PALLD: variants seen among roughly 807,000 people sequenced by gnomAD.
PALLD encodes the protein palladin, cytoskeletal associated protein.
A neutral mutation model predicts 123.5 loss-of-function variants in PALLD; 61 were observed. That is an observed-to-expected ratio of 0.49 (90% CI 0.40 to 0.61). The LOEUF (loss-of-function observed/expected upper bound fraction) is 0.61. Ranked by LOEUF, PALLD falls within the 20% of genes least tolerant of loss-of-function variation. PALLD has a pLI of 0.00. For synonymous variants in PALLD, 465 were observed against 496.4 expected, an observed-to-expected ratio of 0.94 and a Z score of 0.84; for missense variants, 1,273 against 1,377.0, an observed-to-expected ratio of 0.92 and a Z score of 1.20.
chr4:168,543,021 TCTCCTACTGAGATG>T (rs1765792240), intron 2 of PALLD, among the ~76,000 whole-genome samples: 1 of 151,932 alleles, frequency 6.6e-6, no homozygotes, highest in Non-Finnish European at 1.5e-5. Flanking sequence ...TTTGTGCCAC[TCTCCTACTGAGATG>T]GACCTTAAAT....
chr4:168,830,285 G>T (rs1471650702), intron 10 of PALLD, among the ~76,000 whole-genome samples: 1 of 151,654 alleles, frequency 6.6e-6, no homozygotes, highest in Non-Finnish European at 1.5e-5. Context: ...TCACGCCTGG[G>T]AGGCCGAGGT....
intron 2 of PALLD, among the ~76,000 whole-genome samples, chr4:168,616,394 T>C (rs2149784843): frequency 6.6e-6 from 1 of 152,300 alleles, no homozygotes; most frequent in East Asian, 1.9e-4. Flanking sequence ...TAAAAGACTA[T>C]TTGTTGACTT....
chr4:168,893,748 C>T (rs1218225015), intron 11 of PALLD, among the ~76,000 whole-genome samples: 3 of 152,102 alleles, frequency 2.0e-5, no homozygotes, highest in African/African-American at 4.8e-5. Context: ...ACAAAAATGC[C>T]GGCATTTCTT....
chr4:168,641,599 A>G (rs1776953926), intron 2 of PALLD, among the ~76,000 whole-genome samples: 1 of 151,726 alleles, frequency 6.6e-6, no homozygotes. Flanking sequence ...TCTTTAGAGC[A>G]CTCTGCTTTG....
intron 10 of PALLD, among the ~76,000 whole-genome samples, chr4:168,853,742 G>C (rs1239464476): frequency 2.0e-5 from 3 of 152,292 alleles, no homozygotes; most frequent in Admixed American, 1.3e-4. Context: ...ATTTGGAGTT[G>C]ATCCCAAGAG....
At chr4:168,578,115 A>G (rs1186701442) in intron 2 of PALLD, among the ~76,000 whole-genome samples, 1 of 152,124 alleles carries the variant, frequency 6.6e-6, no homozygotes, top group African/African-American at 2.4e-5. Context: ...GAAATCTGAT[A>G]ATAAATAACA....
intron 10 of PALLD, among the ~76,000 whole-genome samples, chr4:168,773,667 T>A (rs7675590): frequency 6.6e-6 from 1 of 152,144 alleles, no homozygotes; most frequent in Admixed American, 6.5e-5. Context: ...ACTGCCCCGC[T>A]GTGAATTTCA....
intron 10 of PALLD, among the ~76,000 whole-genome samples, chr4:168,830,809 C>G (rs1419529536): frequency 1.3e-5 from 2 of 152,164 alleles, no homozygotes; most frequent in Non-Finnish European, 2.9e-5. Flanking sequence ...CCTAGCAATG[C>G]TAGTGTTAGA....
At chr4:168,500,263 G>A (rs1401293528) in intron 1 of PALLD, among the ~76,000 whole-genome samples, 1 of 152,076 alleles carries the variant, frequency 6.6e-6, no homozygotes, top group African/African-American at 2.4e-5. Flanking sequence ...TATATTCCTT[G>A]TCTTCCCCAA....
chr4:168,907,108 G>A (rs542830708), intron 15 of PALLD, among the ~76,000 whole-genome samples: 1 of 151,584 alleles, frequency 6.6e-6, no homozygotes. Context: ...TTCCTCCCTC[G>A]TAAAATGAGG....
chr4:168,673,888 C>CTGTG (rs34043206), intron 3 of PALLD, among the ~76,000 whole-genome samples: 2,690 of 146,340 alleles, frequency 0.018, 27 homozygotes, highest in Non-Finnish European at 0.022. Context: ...TTTGAACGTG[C>CTGTG]TGTGTGTGTG....
intron 17 of PALLD, among the ~76,000 whole-genome samples, chr4:168,917,657 G>A (rs1440951520): frequency 6.6e-6 from 1 of 152,042 alleles, no homozygotes; most frequent in Non-Finnish European, 1.5e-5. Flanking sequence ...TAGAGGATTT[G>A]GGCATTGTTT....
Position 168,653,902 on chromosome 4 carries a change from A to G in PALLD, c.909-14288A>G, listed in dbSNP as rs1249371988. Among the ~76,000 whole-genome samples, 3 of 151,960 alleles carry G rather than the reference A, an allele frequency of 2.0e-5. No individual in the cohort carries two copies. In the East Asian group the frequency reaches 5.8e-4, roughly 29 times the overall value. On this transcript the variant is annotated intron_variant, in intron 2 of 21. Coordinates refer to ENST00000505667, the MANE Select transcript of PALLD (RefSeq NM_001166108.2). ...TTTTTAGTAGAGACAGGGTTTCACCATGTTAGCCAGGATGGTCTCGATCTC... is the reference window on the plus strand; with the variant it reads ...TTTTTAGTAGAGACAGGGTTTCACCGTGTTAGCCAGGATGGTCTCGATCTC...
intron 10 of PALLD, among the ~76,000 whole-genome samples, chr4:168,728,088 A>G (rs906477098): frequency 6.6e-6 from 1 of 152,198 alleles, no homozygotes; most frequent in Non-Finnish European, 1.5e-5. Flanking sequence ...TACCAGTACC[A>G]TGCTGTTTTG....
intron 3 of PALLD, among the ~76,000 whole-genome samples, chr4:168,680,494 A>C (rs886890055): frequency 4.5e-5 from 6 of 133,786 alleles, no homozygotes; most frequent in African/African-American, 8.9e-5. Context: ...AAAAAAAAAA[A>C]AAAAAAAAAA....
chr4:168,808,575 G>A (rs567849942), intron 10 of PALLD, among the ~76,000 whole-genome samples: 8 of 152,208 alleles, frequency 5.3e-5, no homozygotes, highest in Non-Finnish European at 1.2e-4. Context: ...ATAAAGCATT[G>A]TATTAGTCTG....
intron 3 of PALLD, among the ~76,000 whole-genome samples, chr4:168,677,183 T>C (rs1053459136): frequency 4.6e-5 from 7 of 151,978 alleles, no homozygotes; most frequent in Non-Finnish European, 7.4e-5. Flanking sequence ...GTTGTTTTTT[T>C]TTTTTTCTCC....
intron 5 of PALLD, 36 bp downstream of exon 5, chr4:168,683,139 G>T: frequency 1.7e-6 from 2 of 1,143,270 alleles, no homozygotes; most frequent in South Asian, 2.5e-5. Flanking sequence ...ATAAGGGGTC[G>T]AACTCATCAG....
intron 2 of PALLD, among the ~76,000 whole-genome samples, chr4:168,517,609 A>T (rs187075960): frequency 1.6e-3 from 238 of 152,312 alleles, no homozygotes; most frequent in South Asian, 8.5e-3. Flanking sequence ...CGACAGGAAG[A>T]AAAACAAGCC....
Sources: allele counts gnomAD v4.1 joint callset (sites outside exome capture counted in the v4.1 genomes callset), GRCh38; gene constraint gnomAD v4.1.1; transcripts MANE v1.5; gene names NCBI Gene and HGNC (gene_info 2026-07-23, HGNC 2026-07-21).